The following SPATS2L variants were observed in gnomAD, a reference collection of about 807,000 sequenced individuals.
SPATS2L encodes the protein SPATS2-like protein.
SPATS2L carries 30 observed loss-of-function variants against 59.6 expected under a neutral mutation model. The observed-to-expected ratio is 0.50, with a 90% CI of 0.38 to 0.68. SPATS2L has a LOEUF of 0.68. SPATS2L is among the 30% of genes least tolerant of loss of function. SPATS2L has a pLI of 0.00. For missense variants in SPATS2L, 615 were observed against 700.0 expected, an observed-to-expected ratio of 0.88 and a Z score of 1.37; for synonymous variants, 252 against 263.5, an observed-to-expected ratio of 0.96 and a Z score of 0.42.
intron 1 of SPATS2L, among the ~76,000 whole-genome samples, chr2:200,308,577 C>G (rs2079099949): frequency 1.3e-5 from 2 of 152,088 alleles, no homozygotes; most frequent in Non-Finnish European, 1.5e-5. Context: ...AAATCTGTAT[C>G]TGTGTGGCAG....
chr2:200,424,956 T>A (rs1413521773), intron 6 of SPATS2L, among the ~76,000 whole-genome samples: 1 of 152,240 alleles, frequency 6.6e-6, no homozygotes, highest in Non-Finnish European at 1.5e-5. Context: ...CGAGCTGGAC[T>A]GTACAGCCTG....
At chr2:200,471,683 C>T (rs1028067639) in intron 11 of SPATS2L, among the ~76,000 whole-genome samples, 42 of 152,146 alleles carry the variant, frequency 2.8e-4, no homozygotes, top group Admixed American at 2.5e-3. Context: ...AGCATAGGAG[C>T]CACGGAAATC....
chr2:200,337,700 G>A (rs879075865), intron 2 of SPATS2L, among the ~76,000 whole-genome samples: 4 of 152,184 alleles, frequency 2.6e-5, no homozygotes, highest in Admixed American at 6.5e-5. Flanking sequence ...AATTTAAAAC[G>A]TGAGAGAGAT....
chr2:200,369,154 T>A (rs540585115), intron 2 of SPATS2L, among the ~76,000 whole-genome samples: 53 of 151,830 alleles, frequency 3.5e-4, no homozygotes, highest in Admixed American at 1.4e-3. Flanking sequence ...CATTCATTTA[T>A]TTTATTTATT....
At chr2:200,395,040 GCTT>G (rs2082287952) in intron 3 of SPATS2L, among the ~76,000 whole-genome samples, 1 of 152,140 alleles carries the variant, frequency 6.6e-6, no homozygotes, top group Non-Finnish European at 1.5e-5. Flanking sequence ...TTTTTTAATA[GCTT>G]CTTTTCTAAA....
chr2:200,342,381 G>A (rs573961080), intron 2 of SPATS2L, among the ~76,000 whole-genome samples: 4 of 152,360 alleles, frequency 2.6e-5, no homozygotes, highest in Admixed American at 2.0e-4. Context: ...GGAGGACCTG[G>A]AAGAGGACGC....
intron 2 of SPATS2L, among the ~76,000 whole-genome samples, chr2:200,363,050 G>A (rs771216341): frequency 3.3e-5 from 5 of 152,122 alleles, no homozygotes; most frequent in Non-Finnish European, 5.9e-5. Context: ...GGCCACGGAA[G>A]CCGTACTGCC....
At chr2:200,388,063 G>T (rs544227763) in intron 2 of SPATS2L, among the ~76,000 whole-genome samples, 1 of 151,936 alleles carries the variant, frequency 6.6e-6, no homozygotes, top group South Asian at 2.1e-4. Context: ...CAGTTTTAAG[G>T]GTCCATTTGA....
intron 1 of SPATS2L, among the ~76,000 whole-genome samples, chr2:200,314,313 C>T (rs530344033): frequency 1.3e-5 from 2 of 152,294 alleles, no homozygotes; most frequent in South Asian, 4.1e-4. Context: ...ACTGTCTTTT[C>T]AGACTCTCTT....
At chr2:200,424,147 A>G (rs968324551) in intron 6 of SPATS2L, among the ~76,000 whole-genome samples, 2 of 152,130 alleles carry the variant, frequency 1.3e-5, no homozygotes, top group Admixed American at 1.3e-4. Flanking sequence ...TCCAATCAAA[A>G]TCATCCTGGG....
At chr2:200,407,598 C>A (rs2082731712) in intron 3 of SPATS2L, among the ~76,000 whole-genome samples, 1 of 152,292 alleles carries the variant, frequency 6.6e-6, no homozygotes, top group African/African-American at 2.4e-5. Context: ...GATAGACAGG[C>A]AGTTACTGTG....
chr2:200,321,453 A>T (rs1318722003), intron 1 of SPATS2L, among the ~76,000 whole-genome samples: 1 of 152,236 alleles, frequency 6.6e-6, no homozygotes, highest in East Asian at 1.9e-4. Context: ...ACCATAGCAT[A>T]TGCTCAGCAA....
chr2:200,345,858 C>G (rs779438188), intron 2 of SPATS2L, among the ~76,000 whole-genome samples: 2 of 152,158 alleles, frequency 1.3e-5, no homozygotes, highest in Non-Finnish European at 2.9e-5. Flanking sequence ...GGTTACATAG[C>G]TGAGAGCTGC....
At chr2:200,474,103 CT>C (rs559587714) in intron 12 of SPATS2L, among the ~76,000 whole-genome samples, 106 of 144,220 alleles carry the variant, frequency 7.3e-4, no homozygotes, top group Middle Eastern at 7.1e-3. Flanking sequence ...AAAGTCTTTT[CT>C]TTTTTTTTTT....
chr2:200,424,852 A>T (rs955206937), intron 6 of SPATS2L, among the ~76,000 whole-genome samples: 1 of 152,074 alleles, frequency 6.6e-6, no homozygotes, highest in African/African-American at 2.4e-5. Context: ...GCCGGCCTTT[A>T]TGTTGCCTCC....
intron 2 of SPATS2L, among the ~76,000 whole-genome samples, chr2:200,386,783 A>C (rs545513718): frequency 6.6e-6 from 1 of 152,158 alleles, no homozygotes. Flanking sequence ...AGCTGTCACC[A>C]TTCAGTTCTT....
intron 3 of SPATS2L, among the ~76,000 whole-genome samples, chr2:200,412,058 A>T (rs1295768540): frequency 6.6e-6 from 1 of 152,158 alleles, no homozygotes; most frequent in East Asian, 1.9e-4. Flanking sequence ...TTGGCTTTTC[A>T]CACATGCTCC....
intron 6 of SPATS2L, among the ~76,000 whole-genome samples, chr2:200,431,645 A>G (rs904108524): frequency 1.3e-5 from 2 of 152,206 alleles, no homozygotes; most frequent in African/African-American, 2.4e-5. Context: ...GAATTCTTAA[A>G]GTTAGATTTG....
intron 3 of SPATS2L, among the ~76,000 whole-genome samples, chr2:200,408,441 GAA>G (rs1475213436): frequency 2.0e-5 from 3 of 152,198 alleles, no homozygotes; most frequent in Non-Finnish European, 4.4e-5. Flanking sequence ...GAAGCAGAGA[GAA>G]CAGTTATTTT....
Sources: allele counts gnomAD v4.1 joint callset (sites outside exome capture counted in the v4.1 genomes callset), GRCh38; gene constraint gnomAD v4.1.1; transcripts MANE v1.5; gene names NCBI Gene and HGNC (gene_info 2026-07-23, HGNC 2026-07-21).